EML6: variants seen among roughly 807,000 people sequenced by gnomAD.
The protein encoded by EML6 is EMAP like 6.
In EML6, 154 loss-of-function variants were observed where a neutral mutation model predicts 240.1. The observed-to-expected ratio is 0.64, with a 90% CI of 0.56 to 0.73. The LOEUF (loss-of-function observed/expected upper bound fraction) is 0.73. Ranked by LOEUF, EML6 falls within the 30% of genes least tolerant of loss-of-function variation. The probability of loss-of-function intolerance (pLI) is 0.00; values close to 1 mark genes in which losing one functional copy is unlikely to be tolerated. For synonymous variants in EML6, 1,148 were observed against 899.0 expected (o/e 1.28, Z -4.95); for missense variants, 2,964 against 2,474.6 (o/e 1.20, Z -4.20).
chr2:54,818,301 C>T lies in EML6; in HGVS notation c.456+1416C>T, dbSNP rs995675644. ...GTTAAACTAAATTTGGCCTCAGCTG[C>T]CCTCCATATGGTAAGTCTCTACAAA... On this transcript the variant is annotated intron_variant, in intron 4 of 41. Coordinates refer to ENST00000356458, the MANE Select transcript of EML6 (RefSeq NM_001039753.4). Among the ~76,000 whole-genome samples, 37 of 151,980 alleles carry T rather than the reference C, an allele frequency of 2.4e-4. 1 individual carries two copies. The highest frequency in any genetic ancestry group is 7.7e-4 in the African/African-American group (32 of 41,398).
At chr2:54,836,655 C>G (rs925082965) in intron 7 of EML6, among the ~76,000 whole-genome samples, 2 of 152,248 alleles carry the variant, frequency 1.3e-5, no homozygotes, top group South Asian at 2.1e-4. Context: ...CTGGGGGTCC[C>G]CTGGCAGGGA....
chr2:54,885,570 C>T (rs1234203661), intron 17 of EML6, among the ~76,000 whole-genome samples: 2 of 152,100 alleles, frequency 1.3e-5, no homozygotes, highest in African/African-American at 4.8e-5. Context: ...AACGATATGT[C>T]CAGTAATGTA....
intron 25 of EML6, 69 bp from the exon 26 acceptor site, chr2:54,916,689 GC>G: frequency 7.8e-7 from 1 of 1,274,206 alleles, no homozygotes. Flanking sequence ...TTACTCAGGT[GC>G]AAACTGTTTC....
intron 2 of EML6, among the ~76,000 whole-genome samples, chr2:54,780,870 C>T (rs138281565): frequency 0.012 from 1,786 of 152,250 alleles, 17 homozygotes; most frequent in Middle Eastern, 0.034. Flanking sequence ...ATGGTTCATT[C>T]TTGCCTCTAA....
At chr2:54,755,971 T>A (rs1667701438) in intron 2 of EML6, among the ~76,000 whole-genome samples, 1 of 152,078 alleles carries the variant, frequency 6.6e-6, no homozygotes, top group Admixed American at 6.6e-5. Flanking sequence ...GGCAAATACC[T>A]TAAGGGGAAA....
At chr2:54,810,053 A>G (rs1016266336) in intron 2 of EML6, among the ~76,000 whole-genome samples, 2 of 152,226 alleles carry the variant, frequency 1.3e-5, no homozygotes, top group South Asian at 2.1e-4. Context: ...ACTCTAAGCA[A>G]TCATGTTACA....
chr2:54,925,515 C>T (rs1368579293), intron 26 of EML6, among the ~76,000 whole-genome samples: 8 of 152,188 alleles, frequency 5.3e-5, no homozygotes, highest in Admixed American at 4.6e-4. Flanking sequence ...GCTAAAATCA[C>T]GTCACTATCT....
intron 33 of EML6, 98 bp from the exon 34 acceptor site, chr2:54,959,006 T>G: frequency 1.7e-6 from 2 of 1,169,332 alleles, no homozygotes; most frequent in South Asian, 1.6e-5. Flanking sequence ...CTAGGCTGTC[T>G]GCATCTCTAG....
chr2:54,936,314 C>G (rs765469514), intron 28 of EML6, among the ~76,000 whole-genome samples: 5 of 152,104 alleles, frequency 3.3e-5, no homozygotes, highest in African/African-American at 4.8e-5. Flanking sequence ...TATGAGCTGA[C>G]CAGGTATTAG....
chr2:54,869,211 G>C lies in EML6; in HGVS notation c.2082G>C (p.Leu694=). 1 of 1,551,302 alleles carries C rather than the reference G, an allele frequency of 6.4e-7. No individual in the cohort carries two copies. Among genetic ancestry groups the C allele is most frequent in the Non-Finnish European group, 8.7e-7 (1 of 1,146,530 alleles). The change falls in exon 15 of 42, where the codon CTG becomes CTC. Residue 694 remains leucine (L), a synonymous_variant. Transcript: ENST00000356458. ...GAGGCTACGACTGTAGAAACAATCT[G>C]TTCTACACACAAGCTGGAGAAGTAG... ...GYRGYDCRNN[L]FYTQAGEVVY...
At chr2:54,903,807 G>A (rs1010263114) in intron 24 of EML6, among the ~76,000 whole-genome samples, 10 of 152,164 alleles carry the variant, frequency 6.6e-5, no homozygotes, top group African/African-American at 2.4e-4. Flanking sequence ...CTTTAGTTGG[G>A]AGTGCTTTCT....
chr2:54,963,937 C>G, intron 36 of EML6, 49 bp from the exon 37 acceptor site: 1 of 1,503,504 alleles, frequency 6.7e-7, no homozygotes, highest in South Asian at 1.3e-5. Context: ...TCCTGGAGAC[C>G]AGCTGAGGGG....
intron 28 of EML6, among the ~76,000 whole-genome samples, chr2:54,929,261 A>T (rs1273788141): frequency 6.6e-6 from 1 of 152,192 alleles, no homozygotes; most frequent in Admixed American, 6.5e-5. Flanking sequence ...TGGGTTTGGC[A>T]TTTCCAGCCT....
chr2:54,806,945 C>T (rs34170608), intron 2 of EML6, among the ~76,000 whole-genome samples: 31,197 of 152,024 alleles, frequency 0.21, 3,520 homozygotes, highest in Middle Eastern at 0.35. Context: ...GCACTTGTCA[C>T]GGAACAAACA....
rs550767951 is a variant in EML6 at position 54,729,206 on chromosome 2, C to T, written c.197+3948C>T. ...AGTGGTAAGTGTGCAGCACCAGGGTCCTGTTTGCATCTGCATCCTGCAAAG... is the reference window on the plus strand; with the variant it reads ...AGTGGTAAGTGTGCAGCACCAGGGTTCTGTTTGCATCTGCATCCTGCAAAG... On this transcript the variant is annotated intron_variant, in intron 2 of 41. Transcript: ENST00000356458. Among the ~76,000 whole-genome samples the T allele has an allele frequency of 2.0e-5, 3 of 152,306 alleles. No homozygotes were observed. In the East Asian group the frequency reaches 5.8e-4, roughly 29 times the overall value.
chr2:54,915,617 A>G (rs1673869645), intron 25 of EML6, among the ~76,000 whole-genome samples: 1 of 152,130 alleles, frequency 6.6e-6, no homozygotes, highest in Admixed American at 6.5e-5. Context: ...CAAAAGAAAC[A>G]CACAAGATTA....
chr2:54,772,129 G>A (rs532876208), intron 2 of EML6, among the ~76,000 whole-genome samples: 5 of 152,308 alleles, frequency 3.3e-5, no homozygotes, highest in African/African-American at 9.6e-5. Flanking sequence ...TTATTAAATT[G>A]TTGCAATTTT....
At chr2:54,932,271 G>A (rs1460292790) in intron 28 of EML6, among the ~76,000 whole-genome samples, 2 of 152,330 alleles carry the variant, frequency 1.3e-5, no homozygotes, top group African/African-American at 2.4e-5. Flanking sequence ...CCATGACCCA[G>A]ACTCATCTGG....
intron 35 of EML6, among the ~76,000 whole-genome samples, chr2:54,961,618 G>T (rs144977943): frequency 2.8e-4 from 42 of 152,250 alleles, no homozygotes; most frequent in African/African-American, 9.9e-4. Context: ...GGAGGAGTCT[G>T]TGCTGAAGCT....
Sources: gnomAD v4.1 joint callset for allele counts (sites outside exome capture counted in the v4.1 genomes callset) on GRCh38, gnomAD v4.1.1 for gene constraint, MANE v1.5 for transcripts, NCBI Gene and HGNC (gene_info 2026-07-23, HGNC 2026-07-21) for gene names.